THSD7B: variants seen among roughly 807,000 people sequenced by gnomAD.
The protein encoded by THSD7B is thrombospondin type 1 domain containing 7B.
THSD7B carries 138 observed loss-of-function variants against 213.6 expected under a neutral mutation model. The observed-to-expected ratio is 0.65, with a 90% confidence interval of 0.56 to 0.74. The LOEUF (loss-of-function observed/expected upper bound fraction) is 0.74, where lower values mean the gene tolerates loss of function less well. Among genes scored for constraint, THSD7B ranks in the 30% least tolerant of loss-of-function variants. The probability of loss-of-function intolerance (pLI) is 0.00; values close to 1 mark genes in which losing one functional copy is unlikely to be tolerated. For missense variants in THSD7B, 1,931 were observed against 1,991.5 expected, an observed-to-expected ratio of 0.97 and a Z score of 0.58; for synonymous variants, 742 against 687.0, an observed-to-expected ratio of 1.08 and a Z score of -1.25.
intron 12 of THSD7B, among the ~76,000 whole-genome samples, chr2:137,308,252 T>A (rs1380844915): frequency 6.6e-6 from 1 of 151,958 alleles, no homozygotes; most frequent in Non-Finnish European, 1.5e-5. Context: ...GCAGAAAAGA[T>A]CACCAGGAAT....
chr2:137,179,200 G>A (rs1680409545), intron 7 of THSD7B, among the ~76,000 whole-genome samples: 1 of 152,072 alleles, frequency 6.6e-6, no homozygotes, highest in African/African-American at 2.4e-5. Context: ...TGTCACCCTT[G>A]CTATCCTTTT....
chr2:137,253,628 G>A (rs753962742), intron 10 of THSD7B, among the ~76,000 whole-genome samples: 1 of 152,136 alleles, frequency 6.6e-6, no homozygotes, highest in African/African-American at 2.4e-5. Flanking sequence ...AGAGGTAAAT[G>A]AGTTGTTTTA....
At chr2:137,452,149 A>G (rs556565379) in intron 15 of THSD7B, 3 of 426,358 alleles carry the variant, frequency 7.0e-6, no homozygotes, top group Admixed American at 6.4e-5. Flanking sequence ...ATTCAACAAG[A>G]TATATTTAAG....
intron 2 of THSD7B, among the ~76,000 whole-genome samples, chr2:136,958,329 G>A (rs1573733993): frequency 6.6e-6 from 1 of 152,136 alleles, no homozygotes; most frequent in Admixed American, 6.5e-5. Context: ...AGCAACACTG[G>A]GAAAATAACT....
chr2:137,381,500 C>T (rs902182203), intron 12 of THSD7B, among the ~76,000 whole-genome samples: 30 of 152,236 alleles, frequency 2.0e-4, no homozygotes, highest in African/African-American at 5.5e-4. Flanking sequence ...CCTAGAGGCC[C>T]GGCTTCAGAG....
intron 2 of THSD7B, among the ~76,000 whole-genome samples, chr2:136,887,399 A>G (rs1032132819): frequency 6.6e-6 from 1 of 151,600 alleles, no homozygotes; most frequent in African/African-American, 2.4e-5. Context: ...TGTTTGTTCC[A>G]TCTAAGTCTC....
At chr2:137,118,439 A>G (rs1688483201) in intron 5 of THSD7B, among the ~76,000 whole-genome samples, 1 of 152,258 alleles carries the variant, frequency 6.6e-6, no homozygotes, top group Admixed American at 6.5e-5. Flanking sequence ...TAAGTGGCAT[A>G]GAAGTAGATA....
At chr2:137,381,983 T>A (rs1489313403) in intron 12 of THSD7B, among the ~76,000 whole-genome samples, 1 of 152,182 alleles carries the variant, frequency 6.6e-6, no homozygotes. Context: ...CGGCAAGTGC[T>A]GGCGCTGGTA....
intron 1 of THSD7B, among the ~76,000 whole-genome samples, chr2:136,880,145 C>T (rs527363790): frequency 9.2e-5 from 14 of 152,300 alleles, no homozygotes; most frequent in African/African-American, 3.4e-4. Context: ...CTCTCCACCT[C>T]AAATCAACAG....
intron 1 of THSD7B, among the ~76,000 whole-genome samples, chr2:136,878,250 T>C (rs1683556935): frequency 6.6e-6 from 1 of 152,248 alleles, no homozygotes; most frequent in Admixed American, 6.5e-5. Context: ...GGACATGAAC[T>C]TATTTTTTAT....
chr2:137,243,311 T>C (rs895109944), intron 10 of THSD7B, among the ~76,000 whole-genome samples: 2 of 152,208 alleles, frequency 1.3e-5, no homozygotes, highest in African/African-American at 4.8e-5. Context: ...AATAACTTAG[T>C]CCCTCTCTCC....
chr2:136,993,648 T>G (rs1685827816), intron 2 of THSD7B, among the ~76,000 whole-genome samples: 1 of 152,208 alleles, frequency 6.6e-6, no homozygotes, highest in African/African-American at 2.4e-5. Flanking sequence ...TTCATACACA[T>G]TTGAAATACT....
Position 137,564,428 on chromosome 2 carries a change from T to C in THSD7B, c.3272+1074T>C, listed in dbSNP as rs560834791. Reference sequence around the variant, plus strand: ...CTCACCAGCTCAAGCAAATGGCTAATGGACAAATTATCTTTCTTCCCTTTG... The same window carrying C: ...CTCACCAGCTCAAGCAAATGGCTAACGGACAAATTATCTTTCTTCCCTTTG... On this transcript the variant is annotated intron_variant, in intron 16 of 27. Coordinates refer to ENST00000409968, the MANE Select transcript of THSD7B (RefSeq NM_001316349.2). Among the ~76,000 whole-genome samples, 3 of 152,336 alleles carry C rather than the reference T, an allele frequency of 2.0e-5. No homozygotes were observed. In the South Asian group the frequency reaches 6.2e-4, roughly 32 times the overall value.
chr2:136,827,295 T>C (rs1682663633), intron 1 of THSD7B, among the ~76,000 whole-genome samples: 1 of 152,222 alleles, frequency 6.6e-6, no homozygotes, highest in Non-Finnish European at 1.5e-5. Context: ...TTTTTGGTAT[T>C]CTGGTGTCCA....
chr2:137,396,859 G>A (rs1234013541), intron 12 of THSD7B, among the ~76,000 whole-genome samples: 1 of 151,708 alleles, frequency 6.6e-6, no homozygotes, highest in Non-Finnish European at 1.5e-5. Flanking sequence ...TGTATTGGAT[G>A]CATATATATT....
intron 2 of THSD7B, among the ~76,000 whole-genome samples, chr2:137,055,051 G>A (rs186051295): frequency 2.0e-5 from 3 of 152,222 alleles, no homozygotes; most frequent in African/African-American, 7.2e-5. Flanking sequence ...CTATTCCTGT[G>A]TTCGTTTGCT....
At chr2:137,025,352 C>T (rs1311578285) in intron 2 of THSD7B, among the ~76,000 whole-genome samples, 1 of 152,146 alleles carries the variant, frequency 6.6e-6, no homozygotes, top group Non-Finnish European at 1.5e-5. Flanking sequence ...TCAGAGGAAC[C>T]TTCTCTGATC....
intron 4 of THSD7B, among the ~76,000 whole-genome samples, chr2:137,103,363 C>T (rs7591805): frequency 0.99 from 150,584 of 152,310 alleles, 74,457 homozygotes; most frequent in Middle Eastern, 1. Flanking sequence ...AGGCCTGCCT[C>T]ACAAGAGCTC....
At chr2:136,828,921 T>C (rs1157069960) in intron 1 of THSD7B, among the ~76,000 whole-genome samples, 1 of 152,166 alleles carries the variant, frequency 6.6e-6, no homozygotes, top group Non-Finnish European at 1.5e-5. Context: ...GAAGAAGAAT[T>C]ATGTTTGTTT....
Sources: gnomAD v4.1 joint callset for allele counts (sites outside exome capture counted in the v4.1 genomes callset) on GRCh38, gnomAD v4.1.1 for gene constraint, MANE v1.5 for transcripts, NCBI Gene and HGNC (gene_info 2026-07-23, HGNC 2026-07-21) for gene names.